The following PCBP3 variants were observed in gnomAD, a reference collection of about 807,000 sequenced individuals.
PCBP3 encodes the protein poly(rC) binding protein 3, also known as poly(rC)-binding protein 3.
PCBP3 carries 25 observed loss-of-function variants against 52.7 expected under a neutral mutation model. The observed-to-expected ratio is 0.47, with a 90% confidence interval of 0.35 to 0.66. PCBP3 has a LOEUF of 0.66. Ranked by LOEUF, PCBP3 falls within the 30% of genes least tolerant of loss-of-function variation. The pLI, the probability that PCBP3 is intolerant of heterozygous loss-of-function variation, is 0.01. For missense variants in PCBP3, 391 were observed against 490.3 expected, an observed-to-expected ratio of 0.80 and a Z score of 1.91; for synonymous variants, 162 against 183.0, an observed-to-expected ratio of 0.89 and a Z score of 0.93.
chr21:45,805,285 C>A lies in PCBP3; in HGVS notation c.-125-44676C>A, dbSNP rs1168875154. Reference sequence around the variant, plus strand: ...TCTTGTGTGACTCTCTGGTCATTTGCTTGGGGGAGCTGAAAACCCCCCAGG... The same window carrying A: ...TCTTGTGTGACTCTCTGGTCATTTGATTGGGGGAGCTGAAAACCCCCCAGG... On this transcript the variant is annotated intron_variant, in intron 4 of 17. Coordinates refer to ENST00000681687, the MANE Select transcript of PCBP3 (RefSeq NM_001384156.1). This position sits in a 1 kb window ranked among gnomAD's most constrained non-coding sequence, Gnocchi z 4.6. 2.6e-5 allele frequency among the ~76,000 whole-genome samples: 4 copies of A among 152,100 alleles called. No homozygotes were observed. The highest frequency in any genetic ancestry group is 4.8e-5 in the African/African-American group (2 of 41,416).
At chr21:45,896,113 C>T in intron 5 of PCBP3, 95 bp from the exon 6 acceptor site, 1 of 1,224,948 alleles carries the variant, frequency 8.2e-7, no homozygotes, top group Admixed American at 2.1e-5. Flanking sequence ...TCTCCTGCCA[C>T]CCGGGAGGCC....
chr21:45,816,742 C>CT (rs35774407), intron 4 of PCBP3, among the ~76,000 whole-genome samples: 22,680 of 142,468 alleles, frequency 0.16, 1,846 homozygotes, highest in Middle Eastern at 0.32. Context: ...TCTATGTTAA[C>CT]TTTTTTTTTT....
chr21:45,911,214 G>C (rs2096384948), intron 11 of PCBP3, 184 bp downstream of exon 11: 1 of 698,392 alleles, frequency 1.4e-6, no homozygotes, highest in Non-Finnish European at 2.5e-6. Context: ...GGGTGCTGGG[G>C]CTGCCAGCTC....
rs748980869 is a variant in PCBP3 at position 45,830,850 on chromosome 21, C to A, written c.-125-19111C>A. On this transcript the variant is annotated intron_variant, in intron 4 of 17. Transcript: ENST00000681687. The surrounding 1 kb of genome is among the most constrained non-coding windows in gnomAD (Gnocchi z 4.4). ...TCATGATGAGGCCTTCCCAGAAAGG[C>A]GGGGAATCGAGAGTGACGTAGTCAC... The A allele has an allele frequency of 6.6e-6, 1 of 152,230 alleles. No homozygotes were observed. Among genetic ancestry groups the A allele is most frequent in the Non-Finnish European group, 1.5e-5 (1 of 68,056 alleles). The allele number at this position is 152,230 out of a possible 1,614,324, so 9.4% of individuals were successfully genotyped here. A position where few individuals can be genotyped will look rare whatever the true frequency, so the allele number is the denominator to read the frequency against.
intron 14 of PCBP3, 48 bp from the exon 15 acceptor site, chr21:45,930,738 A>C: frequency 1.1e-6 from 1 of 887,132 alleles, no homozygotes; most frequent in East Asian, 2.4e-5. Flanking sequence ...GACCCTGCTT[A>C]TCTCCTTGAG....
chr21:45,835,122 C>A (rs1006177595), intron 4 of PCBP3, among the ~76,000 whole-genome samples: 5 of 152,204 alleles, frequency 3.3e-5, no homozygotes, highest in African/African-American at 1.2e-4. Flanking sequence ...ATGTAGGAAT[C>A]ATAGGAGTTA....
intron 4 of PCBP3, among the ~76,000 whole-genome samples, chr21:45,840,161 T>G (rs1310796202): frequency 6.6e-6 from 1 of 151,852 alleles, no homozygotes; most frequent in Non-Finnish European, 1.5e-5. Flanking sequence ...AGAGTAAAAA[T>G]GTTACAGTAG....
At chr21:45,865,981 C>G (rs2094708964) in intron 5 of PCBP3, among the ~76,000 whole-genome samples, 2 of 152,226 alleles carry the variant, frequency 1.3e-5, no homozygotes, top group Admixed American at 1.3e-4. Context: ...ATGGACTGGA[C>G]CATCTGTGGG....
intron 1 of PCBP3, among the ~76,000 whole-genome samples, chr21:45,657,773 A>G (rs2080112968): frequency 1.3e-5 from 2 of 152,142 alleles, no homozygotes; most frequent in South Asian, 4.1e-4. Flanking sequence ...TTTCCAATCC[A>G]TGAGCATAGG....
chr21:45,814,892 A>ATGAGTGGGGAG (rs1569259443), intron 4 of PCBP3, among the ~76,000 whole-genome samples: 1 of 78,364 alleles, frequency 1.3e-5, no homozygotes, highest in Non-Finnish European at 2.5e-5. Flanking sequence ...GTGGTGAGTG[A>ATGAGTGGGGAG]TGAGTGGTGA....
At chr21:45,759,853 A>C (rs1268892796) in intron 4 of PCBP3, 2 of 152,234 alleles carry the variant, frequency 1.3e-5, no homozygotes, top group African/African-American at 4.8e-5. Context: ...ACTCTGGAAC[A>C]CCAAAGACAA....
At chr21:45,856,489 G>A (rs553365647) in intron 5 of PCBP3, among the ~76,000 whole-genome samples, 71 of 152,346 alleles carry the variant, frequency 4.7e-4, no homozygotes, top group Admixed American at 1.1e-3. Context: ...TGGGTCATGG[G>A]TGCGGCTTCC....
chr21:45,910,397 C>T (rs2096363402), intron 10 of PCBP3, among the ~76,000 whole-genome samples: 2 of 151,828 alleles, frequency 1.3e-5, no homozygotes, highest in South Asian at 4.2e-4. Flanking sequence ...TCCAGGGCAC[C>T]TGGAGACAGC....
In PCBP3 at chr21:45,932,795, C is replaced by T. The variant is rs1397789547; in HGVS notation, c.856+1950C>T. On this transcript the variant is annotated intron_variant, in intron 15 of 17. Coordinates refer to ENST00000681687, the MANE Select transcript of PCBP3 (RefSeq NM_001384156.1). ...AATGAACACATCAGCCATGCCGTCC[C>T]GAGATGAATGAACACATCGGCCATG... 2.4e-3 allele frequency among the ~76,000 whole-genome samples: 239 copies of T among 99,622 alleles called. No individual in the cohort carries two copies. The Middle Eastern group carries it at 0.036, about 15-fold the overall frequency. 65.4% of individuals were successfully genotyped at this position (99,622 alleles called of 152,430 possible).
intron 13 of PCBP3, among the ~76,000 whole-genome samples, chr21:45,922,955 G>A (rs1054849362): frequency 7.6e-5 from 11 of 143,998 alleles, no homozygotes; most frequent in South Asian, 4.4e-4. Context: ...TGAAAGAGTC[G>A]TGGGGAAATT....
At chr21:45,785,809 G>A (rs2091105359) in intron 4 of PCBP3, among the ~76,000 whole-genome samples, 1 of 150,240 alleles carries the variant, frequency 6.7e-6, no homozygotes, top group Non-Finnish European at 1.5e-5. Flanking sequence ...TCTGCCTTGG[G>A]ATCCTGTTGA....
chr21:45,903,611 A>C (rs1049448057), intron 9 of PCBP3, among the ~76,000 whole-genome samples: 4 of 152,226 alleles, frequency 2.6e-5, no homozygotes, highest in Non-Finnish European at 5.9e-5. Context: ...TGCTAACATA[A>C]CAATTATCAT....
At chr21:45,646,016 G>T (rs1284561873) in intron 1 of PCBP3, among the ~76,000 whole-genome samples, 1 of 150,456 alleles carries the variant, frequency 6.6e-6, no homozygotes, top group Non-Finnish European at 1.5e-5. Context: ...AGGCGTCATG[G>T]GCCCGCTGTC....
chr21:45,739,205 C>T (rs10211873), intron 3 of PCBP3, among the ~76,000 whole-genome samples: 13 of 90,892 alleles, frequency 1.4e-4, no homozygotes, highest in South Asian at 4.7e-4. Context: ...CCCCTTCCTG[C>T]CCATTGTCCT....
Sources: gnomAD v4.1 joint callset for allele counts (sites outside exome capture counted in the v4.1 genomes callset) on GRCh38, gnomAD v4.1.1 for gene constraint, Gnocchi (gnomAD v3.1) non-coding constraint, MANE v1.5 for transcripts, NCBI Gene and HGNC (gene_info 2026-07-23, HGNC 2026-07-21) for gene names.